ERC2: variants seen among roughly 807,000 people sequenced by gnomAD.
ERC2 encodes the protein ELKS/RAB6-interacting/CAST family member 2.
Under a neutral mutation model 114.8 loss-of-function variants are expected in ERC2, and 42 were observed. That is an observed-to-expected ratio of 0.37 (90% CI 0.29 to 0.47). The LOEUF (loss-of-function observed/expected upper bound fraction) is 0.47. Among genes scored for constraint, ERC2 ranks in the 20% least tolerant of loss-of-function variants. The probability of loss-of-function intolerance (pLI) is 0.99; values close to 1 mark genes in which losing one functional copy is unlikely to be tolerated. For missense variants in ERC2, 939 were observed against 1,150.7 expected, an observed-to-expected ratio of 0.82 and a Z score of 2.66; for synonymous variants, 454 against 425.5, an observed-to-expected ratio of 1.07 and a Z score of -0.82.
intron 3 of ERC2, among the ~76,000 whole-genome samples, chr3:56,237,133 TCACAGACTCCCCAACC>T (rs1321295112): frequency 6.6e-6 from 1 of 152,156 alleles, no homozygotes; most frequent in Non-Finnish European, 1.5e-5. Context: ...TTACTTCCAT[TCACAGACTCCCCAACC>T]CACAAAATAC....
chr3:56,048,639 C>T (rs1002253555), intron 7 of ERC2, among the ~76,000 whole-genome samples: 1 of 152,186 alleles, frequency 6.6e-6, no homozygotes, highest in African/African-American at 2.4e-5. Context: ...CATCTTCCTT[C>T]TCAATATGCC....
At chr3:55,856,663 A>G (rs2061799941) in intron 14 of ERC2, among the ~76,000 whole-genome samples, 1 of 152,192 alleles carries the variant, frequency 6.6e-6, no homozygotes, top group Admixed American at 6.5e-5. Context: ...TAAAAAGAAA[A>G]ATATCTATAC....
chr3:55,906,166 C>A (rs1294680783), intron 13 of ERC2, among the ~76,000 whole-genome samples: 1 of 139,152 alleles, frequency 7.2e-6, no homozygotes, highest in Non-Finnish European at 1.5e-5. Flanking sequence ...GATGTTTATG[C>A]CAGTGGTTGT....
intron 14 of ERC2, among the ~76,000 whole-genome samples, chr3:55,886,743 C>G (rs1028015435): frequency 2.6e-5 from 4 of 152,124 alleles, no homozygotes; most frequent in African/African-American, 9.7e-5. Context: ...ATCTTTTAAA[C>G]AACAGTAAAT....
chr3:55,846,874 C>G (rs190225681), intron 14 of ERC2, among the ~76,000 whole-genome samples: 1 of 152,160 alleles, frequency 6.6e-6, no homozygotes, highest in Non-Finnish European at 1.5e-5. Flanking sequence ...AAAGCTTGCA[C>G]AGTTTGTAGG....
chr3:55,573,020 C>T (rs529496732), intron 17 of ERC2, among the ~76,000 whole-genome samples: 3 of 152,180 alleles, frequency 2.0e-5, no homozygotes, highest in African/African-American at 7.2e-5. Context: ...CTTCTCTGGG[C>T]CTCAGAAAAG....
At chr3:56,420,509 A>G (rs2061344817) in intron 2 of ERC2, among the ~76,000 whole-genome samples, 1 of 151,806 alleles carries the variant, frequency 6.6e-6, no homozygotes, top group Admixed American at 6.6e-5. Context: ...CCATCAAATT[A>G]TTACTTACTT....
chr3:55,726,800 G>T (rs534119461), intron 15 of ERC2, among the ~76,000 whole-genome samples: 1 of 152,250 alleles, frequency 6.6e-6, no homozygotes, highest in East Asian at 1.9e-4. Flanking sequence ...TAGTCTCCTG[G>T]TCTTAATGCC....
At chr3:56,354,102 G>A (rs906141776) in intron 2 of ERC2, among the ~76,000 whole-genome samples, 23 of 152,060 alleles carry the variant, frequency 1.5e-4, no homozygotes, top group African/African-American at 3.9e-4. Flanking sequence ...ACATTTTTAC[G>A]ATCTTCTGAA....
In ERC2 at chr3:56,115,571, A is replaced by T. The variant is rs2079183900; in HGVS notation, c.1473+23938T>A. Reference sequence around the variant, plus strand: ...GTACCAAGGACCAGGATGAAAACCAAATATAAATTTATTATTATATCACAA... The same window carrying T: ...GTACCAAGGACCAGGATGAAAACCATATATAAATTTATTATTATATCACAA... On this transcript the variant is annotated intron_variant, in intron 6 of 17. Transcript: ENST00000288221. 2.6e-5 allele frequency among the ~76,000 whole-genome samples: 4 copies of T among 152,208 alleles called. No homozygotes were observed. In the South Asian group the frequency reaches 8.3e-4, roughly 32 times the overall value.
chr3:55,873,920 T>C (rs1292970554), intron 14 of ERC2, among the ~76,000 whole-genome samples: 2 of 152,236 alleles, frequency 1.3e-5, no homozygotes, highest in Non-Finnish European at 2.9e-5. Context: ...GACTGGACAT[T>C]AGACTGTTAA....
intron 2 of ERC2, among the ~76,000 whole-genome samples, chr3:56,306,367 A>C (rs2056227680): frequency 6.6e-6 from 1 of 152,214 alleles, no homozygotes; most frequent in Admixed American, 6.5e-5. Flanking sequence ...ATAGTCCATC[A>C]ACAGGAAAAC....
At chr3:56,345,746 G>A (rs771060936) in intron 2 of ERC2, among the ~76,000 whole-genome samples, 5 of 152,144 alleles carry the variant, frequency 3.3e-5, no homozygotes, top group Admixed American at 6.5e-5. Context: ...TGAGGTTTCC[G>A]CTGTCTTGGA....
intron 15 of ERC2, among the ~76,000 whole-genome samples, chr3:55,716,079 T>C (rs1031179988): frequency 1.3e-5 from 2 of 152,228 alleles, no homozygotes; most frequent in African/African-American, 4.8e-5. Flanking sequence ...TATCATTAAT[T>C]GAAAATGCTG....
intron 14 of ERC2, among the ~76,000 whole-genome samples, chr3:55,774,398 G>T (rs1354397173): frequency 6.6e-6 from 1 of 152,230 alleles, no homozygotes; most frequent in African/African-American, 2.4e-5. Context: ...CCTGGAGCAG[G>T]ATACAAAGCA....
chr3:55,801,446 C>A (rs1385204414), intron 14 of ERC2, among the ~76,000 whole-genome samples: 1 of 152,184 alleles, frequency 6.6e-6, no homozygotes, highest in African/African-American at 2.4e-5. Flanking sequence ...AACTCTTGAA[C>A]AATTTCTATG....
chr3:55,765,082 T>G (rs534047207), intron 14 of ERC2, among the ~76,000 whole-genome samples: 27 of 152,288 alleles, frequency 1.8e-4, no homozygotes, highest in African/African-American at 6.3e-4. Context: ...TCTTCCAATG[T>G]CAGAAAAATA....
At chr3:55,968,083 TGAAC>T (rs2068884772) in intron 12 of ERC2, among the ~76,000 whole-genome samples, 1 of 152,216 alleles carries the variant, frequency 6.6e-6, no homozygotes, top group Non-Finnish European at 1.5e-5. Context: ...TGTTTCATAG[TGAAC>T]TCAAATCTGC....
At chr3:56,152,425 G>C (rs576510264) in intron 4 of ERC2, among the ~76,000 whole-genome samples, 1 of 151,794 alleles carries the variant, frequency 6.6e-6, no homozygotes, top group Non-Finnish European at 1.5e-5. Context: ...GAAGGGGGGG[G>C]GGCGCTAAAT....
Sources: gnomAD v4.1 joint callset for allele counts (sites outside exome capture counted in the v4.1 genomes callset) on GRCh38, gnomAD v4.1.1 for gene constraint, MANE v1.5 for transcripts, NCBI Gene and HGNC (gene_info 2026-07-23, HGNC 2026-07-21) for gene names.